The following ADAMTS13 variants were observed in gnomAD, a reference collection of about 807,000 sequenced individuals.
ADAMTS13 encodes A disintegrin and metalloproteinase with thrombospondin motifs 13.
In ADAMTS13, 110 loss-of-function variants were observed where a neutral mutation model predicts 155.1. The observed-to-expected ratio is 0.71, with a 90% CI of 0.61 to 0.83. The LOEUF (loss-of-function observed/expected upper bound fraction) is 0.83, where lower values mean the gene tolerates loss of function less well. ADAMTS13 is among the 40% of genes least tolerant of loss of function. ADAMTS13 has a pLI of 0.00. For synonymous variants in ADAMTS13, 758 were observed against 756.4 expected (o/e 1.00, Z -0.03); for missense variants, 1,707 against 1,891.7 (o/e 0.90, Z 1.81).
intron 6 of ADAMTS13, among the ~76,000 whole-genome samples, 186 bp from the exon 7 acceptor site, chr9:133,428,448 G>A (rs924844416): frequency 1.3e-5 from 2 of 152,224 alleles, no homozygotes; most frequent in Non-Finnish European, 2.9e-5. Flanking sequence ...GAGGCAGGGC[G>A]CACGCGACCC....
At chr9:133,453,869 A>G (rs1190921206) in intron 23 of ADAMTS13, among the ~76,000 whole-genome samples, 2 of 152,136 alleles carry the variant, frequency 1.3e-5, no homozygotes, top group Non-Finnish European at 2.9e-5. Context: ...CACGGGTCCA[A>G]GAGGCAGCGC....
At chr9:133,444,365 T>A (rs1841912909) in intron 19 of ADAMTS13, among the ~76,000 whole-genome samples, 2 of 151,936 alleles carry the variant, frequency 1.3e-5, no homozygotes, top group African/African-American at 4.8e-5. Context: ...TTTTTTTTTT[T>A]ATTAAAAGAC....
chr9:133,428,825 C>T, intron 7 of ADAMTS13, 54 bp downstream of exon 7: 1 of 1,236,804 alleles, frequency 8.1e-7, no homozygotes, highest in African/African-American at 1.6e-5. Context: ...CCCGCTGGGC[C>T]GCCAGCGCCA....
chr9:133,435,894 C>G (rs1271481307), intron 11 of ADAMTS13, among the ~76,000 whole-genome samples: 1 of 152,050 alleles, frequency 6.6e-6, no homozygotes, highest in East Asian at 1.9e-4. Flanking sequence ...TTCACATTCC[C>G]ACCAGCATTG....
chr9:133,424,408 C>G lies in ADAMTS13; in HGVS notation c.260C>G (p.Ala87Gly). ...GGILHLELLV[A>G]VGPDVFQAHQ... ...ATCCTACACCTGGAGCTGCTGGTGG[C>G]CGTGGGCCCCGATGTCTTCCAGGCT... The change falls in exon 3 of 29, where the codon GCC becomes GGC. Residue 87 changes from alanine to glycine, a missense_variant. Ala to Gly is a moderately conservative substitution (Grantham distance 60, BLOSUM62 0). Around this residue, in one of 3 missense-constraint regions of ADAMTS13, gnomAD observed 733 missense variants for 749.6 expected, o/e 0.98. Coordinates refer to ENST00000355699, the MANE Select transcript of ADAMTS13 (RefSeq NM_139027.6). This position sits in a 1 kb window ranked among gnomAD's most constrained non-coding sequence, Gnocchi z 4.3. 1 of 1,613,700 alleles carries G rather than the reference C, an allele frequency of 6.2e-7. No homozygotes were observed. Among genetic ancestry groups the G allele is most frequent in the Non-Finnish European group, 8.5e-7 (1 of 1,179,992 alleles).
chr9:133,425,440 C>A lies in ADAMTS13; in HGVS notation c.331-89C>A. Reference sequence around the variant, plus strand: ...TGGTGGAGTAGCCTCTCCAGCTCTTCACACTCCGGGGGCCCCTGGGAGTCA... The same window carrying A: ...TGGTGGAGTAGCCTCTCCAGCTCTTAACACTCCGGGGGCCCCTGGGAGTCA... On this transcript the variant is annotated intron_variant, in intron 3 of 28. Transcript: ENST00000355699. The surrounding 1 kb of genome is among the most constrained non-coding windows in gnomAD (Gnocchi z 4.6). The A allele has an allele frequency of 1.7e-6, 2 of 1,206,788 alleles. No individual in the cohort carries two copies. Among genetic ancestry groups the A allele is most frequent in the Non-Finnish European group, 2.4e-6 (2 of 843,174 alleles). The allele number at this position is 1,206,788 out of a possible 1,614,324, so 74.8% of individuals were successfully genotyped here. A position where few individuals can be genotyped will look rare whatever the true frequency, so the allele number is the denominator to read the frequency against.
At chr9:133,455,672 G>C in intron 25 of ADAMTS13, 1 of 1,568,706 alleles carries the variant, frequency 6.4e-7, no homozygotes, top group Non-Finnish European at 8.7e-7. Context: ...TCTTCCTCTG[G>C]GAAGGACTGG....
rs140937290 is a variant in ADAMTS13 at position 133,433,463 on chromosome 9, G to A, written c.1178G>A (p.Arg393Gln). ...GGGCGCTGGTCTAGCTGGGGTCCCCGAAGTCCTTGCTCCCGCTCCTGCGGA... is the reference window on the plus strand; with the variant it reads ...GGGCGCTGGTCTAGCTGGGGTCCCCAAAGTCCTTGCTCCCGCTCCTGCGGA... ...VHGRWSSWGP[R>Q]SPCSRSCGGG... Residue 393 changes from arginine (R) to glutamine (Q), a missense_variant, in exon 10 of 29, where the codon CGA (arginine) becomes CAA (glutamine). Arg to Gln is a conservative substitution (Grantham distance 43). Around this residue, in one of 3 missense-constraint regions of ADAMTS13, gnomAD observed 733 missense variants for 749.6 expected, o/e 0.98. Transcript: ENST00000355699. 20 of 1,613,434 alleles carry A rather than the reference G, an allele frequency of 1.2e-5. No individual in the cohort carries two copies. Among genetic ancestry groups the A allele is most frequent in the South Asian group, 6.6e-5 (6 of 91,082 alleles).
Position 133,440,576 on chromosome 9 carries a change from A to C in ADAMTS13, c.1968+51A>C, listed in dbSNP as rs1554790478. 6.6e-7 allele frequency: 1 copy of C among 1,516,456 alleles called. No individual in the cohort carries two copies. The highest frequency in any genetic ancestry group is 1.2e-5 in the South Asian group (1 of 81,094). The allele number at this position is 1,516,456 out of a possible 1,614,324, so 93.9% of individuals were successfully genotyped here. On this transcript the variant is annotated intron_variant, in intron 16 of 28. Transcript: ENST00000355699. This position sits in a 1 kb window ranked among gnomAD's most constrained non-coding sequence, Gnocchi z 4.3. ...CAGTGGGGGCTTCTTCTTGGGGGCT[A>C]TGGCTGCTTGCTCGTTTGTCTATCC...
At chr9:133,415,411 C>CA (rs35342648) in intron 1 of ADAMTS13, among the ~76,000 whole-genome samples, 1 of 143,578 alleles carries the variant, frequency 7.0e-6, no homozygotes, top group African/African-American at 2.6e-5. Context: ...ACAGAAATCG[C>CA]TTTTTTTTTT....
Position 133,455,689 on chromosome 9 carries a change from C to T in ADAMTS13, c.3400+254C>T, listed in dbSNP as rs1554795701. 2.0e-6 allele frequency: 3 copies of T among 1,529,338 alleles called. No homozygotes were observed. In the African/African-American group the frequency reaches 4.1e-5, roughly 21 times the overall value. 94.7% of individuals were successfully genotyped at this position (1,529,338 alleles called of 1,614,324 possible). On this transcript the variant is annotated intron_variant, in intron 25 of 28. Coordinates refer to ENST00000355699, the MANE Select transcript of ADAMTS13 (RefSeq NM_139027.6). ...TTCCTCTGGGAAGGACTGGCACAAG[C>T]ACTTGGTCCCTGGGTTGTGTGCCTG... is the stretch of plus-strand genomic sequence containing the variant.
chr9:133,438,095 C>G, intron 13 of ADAMTS13, 151 bp from the exon 14 acceptor site: 3 of 1,475,038 alleles, frequency 2.0e-6, no homozygotes, highest in South Asian at 1.2e-5. Context: ...GTCACTGAGC[C>G]CTCTAAGCTT....
intron 6 of ADAMTS13, among the ~76,000 whole-genome samples, chr9:133,427,671 TTTGA>T (rs1840375762): frequency 6.6e-6 from 1 of 152,100 alleles, no homozygotes. Flanking sequence ...AGACAGCAAC[TTTGA>T]TTGATGTGGC....
intron 8 of ADAMTS13, among the ~76,000 whole-genome samples, chr9:133,431,442 T>A (rs1840759789): frequency 6.7e-6 from 1 of 148,562 alleles, no homozygotes; most frequent in South Asian, 2.2e-4. Context: ...TTCCCGGGCC[T>A]ACGCCTCCCG....
At chr9:133,437,028 G>A in intron 12 of ADAMTS13, 73 bp downstream of exon 12, 3 of 1,528,130 alleles carry the variant, frequency 2.0e-6, no homozygotes, top group Admixed American at 2.0e-5. Flanking sequence ...GAGTCATAGG[G>A]GGGTTGGCCT....
intron 8 of ADAMTS13, among the ~76,000 whole-genome samples, chr9:133,430,358 G>A (rs917713206): frequency 3.3e-5 from 5 of 152,232 alleles, no homozygotes; most frequent in Non-Finnish European, 7.3e-5. Context: ...TGTGCCCAAG[G>A]ACTCCTGGCT....
intron 9 of ADAMTS13, 69 bp downstream of exon 9, chr9:133,432,761 C>G (rs940284174): frequency 2.3e-5 from 33 of 1,453,068 alleles, no homozygotes; most frequent in Admixed American, 3.9e-5. Context: ...GCCAGGCCGC[C>G]CTATTCCTAG....
Position 133,454,633 on chromosome 9 carries a change from G to A in ADAMTS13, c.3249+14G>A. ...ACCTGGATGGAGGTGAGCACAGCGG[G>A]CACTCGGAATCCCTATGGGGCTGGG... On this transcript the variant is annotated intron_variant, in intron 24 of 28. Transcript: ENST00000355699. 6.3e-7 allele frequency: 1 copy of A among 1,585,186 alleles called. No individual in the cohort carries two copies. The highest frequency in any genetic ancestry group is 2.0e-4 in the Middle Eastern group (1 of 5,058).
In ADAMTS13 at chr9:133,455,802, A is replaced by T. The variant is rs1842704237; in HGVS notation, c.3401-267A>T. On this transcript the variant is annotated intron_variant, in intron 25 of 28. Transcript: ENST00000355699. ...TATCAAGGGGAAGTAACTTGAAGGTAGGAACCCAGCTTGTGAGCCCCCTAG... is the reference window on the plus strand; with the variant it reads ...TATCAAGGGGAAGTAACTTGAAGGTTGGAACCCAGCTTGTGAGCCCCCTAG... 10 of 840,232 alleles carry T rather than the reference A, an allele frequency of 1.2e-5. No homozygotes were observed. In the South Asian group the frequency reaches 1.6e-4, roughly 14 times the overall value. 52.0% of individuals were successfully genotyped at this position (840,232 alleles called of 1,614,324 possible).
Sources: allele counts gnomAD v4.1 joint callset (sites outside exome capture counted in the v4.1 genomes callset), GRCh38; gene constraint gnomAD v4.1.1; regional missense constraint gnomAD v4.1.1; non-coding constraint Gnocchi (gnomAD v3.1); transcripts MANE v1.5; gene names NCBI Gene and HGNC (gene_info 2026-07-23, HGNC 2026-07-21).